GEMIN2: variants seen among roughly 807,000 people sequenced by gnomAD.
The protein encoded by GEMIN2 is gem-associated protein 2.
Under a neutral mutation model 45.8 loss-of-function variants are expected in GEMIN2, and 37 were observed. The ratio of observed to expected loss-of-function variants is 0.81; its 90% CI spans 0.62 to 1.06. The LOEUF (loss-of-function observed/expected upper bound fraction) is 1.06, where lower values mean the gene tolerates loss of function less well. Ranked by LOEUF, GEMIN2 falls within the 50% of genes least tolerant of loss-of-function variation. The pLI is 0.00. For missense variants in GEMIN2, 335 were observed against 321.8 expected (o/e 1.04, Z -0.31); for synonymous variants, 101 against 111.5 (o/e 0.91, Z 0.60).
At chr14:39,133,392 A>G (rs1236403274) in intron 8 of GEMIN2, among the ~76,000 whole-genome samples, 2 of 149,852 alleles carry the variant, frequency 1.3e-5, no homozygotes, top group Non-Finnish European at 3.0e-5. Flanking sequence ...GGAACCAGGG[A>G]AAAATTTCCC....
At chr14:39,131,586 A>G (rs1037668266) in intron 7 of GEMIN2, among the ~76,000 whole-genome samples, 1 of 152,222 alleles carries the variant, frequency 6.6e-6, no homozygotes, top group Admixed American at 6.5e-5. Flanking sequence ...ACAATTATAA[A>G]ATGATTTCTA....
intron 3 of GEMIN2, 85 bp from the exon 4 acceptor site, chr14:39,118,455 G>A: frequency 1.3e-6 from 1 of 743,242 alleles, no homozygotes; most frequent in Non-Finnish European, 2.5e-6. Flanking sequence ...TCAAGTTTTA[G>A]ATGGTTACAA....
At chr14:39,128,992 T>C (rs767242246) in intron 7 of GEMIN2, among the ~76,000 whole-genome samples, 29 of 152,142 alleles carry the variant, frequency 1.9e-4, no homozygotes, top group Non-Finnish European at 3.2e-4. Context: ...GGCTCATGCC[T>C]GTAATCCCAA....
chr14:39,131,955 TA>T lies in GEMIN2; in HGVS notation c.601-2del. ...AATATTAATTTTTTGAATTTTTTTT[TA>T]GGGAAGATGGCTTTATGCTTTATTG... On this transcript the variant is annotated splice_acceptor_variant, in intron 7 of 9. Coordinates refer to ENST00000308317, the MANE Select transcript of GEMIN2 (RefSeq NM_003616.3). LOFTEE classifies it high-confidence loss of function. 1.3e-6 allele frequency: 2 copies of T among 1,482,504 alleles called. No individual in the cohort carries two copies. The highest frequency in any genetic ancestry group is 1.9e-6 in the Non-Finnish European group (2 of 1,068,950). The allele number at this position is 1,482,504 out of a possible 1,614,324, so 91.8% of individuals were successfully genotyped here.
chr14:39,120,775 C>T (rs932280446), intron 4 of GEMIN2, among the ~76,000 whole-genome samples: 2 of 152,062 alleles, frequency 1.3e-5, no homozygotes, highest in African/African-American at 4.8e-5. Flanking sequence ...TTACAGGTGC[C>T]TGCCACCACA....
intron 4 of GEMIN2, among the ~76,000 whole-genome samples, chr14:39,119,344 T>C (rs554398123): frequency 6.6e-6 from 1 of 152,324 alleles, no homozygotes; most frequent in South Asian, 2.1e-4. Context: ...CAGTGACATA[T>C]AAGTGAAACC....
At chr14:39,116,902 C>T (rs2139331877) in intron 2 of GEMIN2, among the ~76,000 whole-genome samples, 1 of 152,256 alleles carries the variant, frequency 6.6e-6, no homozygotes, top group Non-Finnish European at 1.5e-5. Flanking sequence ...AAGCATGTGC[C>T]ACCGTGCCCA....
chr14:39,123,643 C>T (rs1007032233), intron 5 of GEMIN2, among the ~76,000 whole-genome samples: 2 of 124,944 alleles, frequency 1.6e-5, no homozygotes, highest in African/African-American at 6.3e-5. Context: ...ACCAATTGAT[C>T]TTTTGGATGA....
intron 3 of GEMIN2, 111 bp from the exon 4 acceptor site, chr14:39,118,429 C>A: frequency 1.5e-6 from 1 of 674,624 alleles, no homozygotes; most frequent in Non-Finnish European, 2.8e-6. Flanking sequence ...TCACCCCCTC[C>A]CACCTTTCCC....
chr14:39,124,135 C>A (rs942982098), intron 5 of GEMIN2, among the ~76,000 whole-genome samples: 12 of 151,938 alleles, frequency 7.9e-5, no homozygotes, highest in Non-Finnish European at 1.5e-4. Flanking sequence ...TTAAAAAAAA[C>A]CCTTAAGGAA....
rs1290882287 is a variant in GEMIN2, at chr14:39,124,841, GA to G, written c.487-149del. The stretch of plus-strand genomic sequence containing the variant: ...CGCATTACAAACATAGTAGTTTCCG[GA>G]ATGTCTCATTGTTATGGACAATGAA... On this transcript the variant is annotated intron_variant, in intron 5 of 9. Coordinates refer to ENST00000308317, the MANE Select transcript of GEMIN2 (RefSeq NM_003616.3). 1.4e-5 allele frequency: 8 copies of G among 552,402 alleles called. No individual in the cohort carries two copies. In the African/African-American group the frequency reaches 1.5e-4, roughly 10 times the overall value. 34.2% of individuals were successfully genotyped at this position (552,402 alleles called of 1,614,324 possible).
intron 1 of GEMIN2, among the ~76,000 whole-genome samples, 157 bp from the exon 2 acceptor site, chr14:39,114,672 C>G (rs144573566): frequency 8.3e-4 from 126 of 152,296 alleles, no homozygotes; most frequent in African/African-American, 3.0e-3. Context: ...TGTTTTCAAT[C>G]CAGATAATTT....
chr14:39,132,664 CT>C (rs1373551773), intron 8 of GEMIN2, among the ~76,000 whole-genome samples: 6 of 62,756 alleles, frequency 9.6e-5, no homozygotes, highest in African/African-American at 3.1e-4. Context: ...TAGCTTCAGC[CT>C]TTTTTTTTTT....
At chr14:39,136,417 A>AT in intron 9 of GEMIN2, 23 bp from the exon 10 acceptor site, 1 of 1,265,756 alleles carries the variant, frequency 7.9e-7, no homozygotes, top group Non-Finnish European at 1.2e-6. Context: ...TTATACATAA[A>AT]TTTTTTGTTT....
intron 7 of GEMIN2, 61 bp from the exon 8 acceptor site, chr14:39,131,897 T>G: frequency 1.2e-6 from 1 of 814,582 alleles, no homozygotes; most frequent in Non-Finnish European, 2.1e-6. Context: ...ATTGGACATT[T>G]AAAAAATAAA....
chr14:39,135,055 A>G (rs562246483), intron 9 of GEMIN2, among the ~76,000 whole-genome samples: 144 of 152,280 alleles, frequency 9.5e-4, no homozygotes, highest in African/African-American at 3.0e-3. Context: ...AATGACACAG[A>G]TTCAGAAAGG....
chr14:39,115,064 A>G lies in GEMIN2; in HGVS notation c.222+151A>G, dbSNP rs145324960. 1,724 of 617,418 alleles carry G rather than the reference A, an allele frequency of 2.8e-3. 5 individuals are homozygous for G. Among genetic ancestry groups the G allele is most frequent in the Non-Finnish European group, 2.9e-3 (990 of 341,914 alleles). The allele number at this position is 617,418 out of a possible 1,614,324, so 38.2% of individuals were successfully genotyped here. A position where few individuals can be genotyped will look rare whatever the true frequency, so the allele number is the denominator to read the frequency against. ...TTCGCTTGTACTTTTTCCTTCAGAA[A>G]GACAATTGGCATTTACTGCCTCTAA... On this transcript the variant is annotated intron_variant, in intron 2 of 9. Transcript: ENST00000308317.
At chr14:39,129,788 G>A (rs1025490812) in intron 7 of GEMIN2, among the ~76,000 whole-genome samples, 2 of 151,862 alleles carry the variant, frequency 1.3e-5, no homozygotes, top group African/African-American at 2.4e-5. Context: ...AACTATACTT[G>A]TTTGTAGTCA....
At chr14:39,118,709 C>A in intron 4 of GEMIN2, 110 bp downstream of exon 4, 1 of 572,714 alleles carries the variant, frequency 1.7e-6, no homozygotes, top group Non-Finnish European at 3.2e-6. Context: ...TACTTTCATT[C>A]TCTTCAATAT....
Sources: gnomAD v4.1 joint callset for allele counts (sites outside exome capture counted in the v4.1 genomes callset) on GRCh38, gnomAD v4.1.1 for gene constraint, MANE v1.5 for transcripts, NCBI Gene and HGNC (gene_info 2026-07-23, HGNC 2026-07-21) for gene names.